CREG2: variants seen among roughly 807,000 people sequenced by gnomAD.
The protein encoded by CREG2 is protein CREG2.
Under a neutral mutation model 26.2 loss-of-function variants are expected in CREG2, and 24 were observed. The observed-to-expected ratio is 0.92, with a 90% CI of 0.66 to 1.29. CREG2 has a LOEUF of 1.29. Among genes scored for constraint, CREG2 ranks in the 50% most tolerant of loss-of-function variants. The pLI, the probability that CREG2 is intolerant of heterozygous loss-of-function variation, is 0.00. For missense variants in CREG2, 366 were observed against 398.6 expected, an observed-to-expected ratio of 0.92 and a Z score of 0.70; for synonymous variants, 174 against 169.2, an observed-to-expected ratio of 1.03 and a Z score of -0.22.
intron 2 of CREG2, among the ~76,000 whole-genome samples, chr2:101,378,589 C>T (rs896843206): frequency 6.6e-6 from 1 of 152,208 alleles, no homozygotes; most frequent in Admixed American, 6.5e-5. Context: ...CCTTCTTCAC[C>T]ATTCTTGGAG....
At chr2:101,351,805 A>G (rs996872826) in intron 3 of CREG2, among the ~76,000 whole-genome samples, 2 of 152,222 alleles carry the variant, frequency 1.3e-5, no homozygotes, top group Non-Finnish European at 2.9e-5. Context: ...TGTCATAAAC[A>G]TAATTCAAAG....
rs920020094 is a variant in CREG2 at position 101,349,148 on chromosome 2, A to G, written c.*1775T>C. On this transcript the variant is annotated 3_prime_UTR_variant, in exon 4 of 4. Coordinates refer to ENST00000324768, the MANE Select transcript of CREG2 (RefSeq NM_153836.4). ...CTCCCAGTATTAAGGTGTGAGGTTG[A>G]CTTATGCAATACATTTGAGCATGTC... The G allele has an allele frequency of 2.6e-5, 4 of 152,666 alleles. No individual in the cohort carries two copies. Among genetic ancestry groups the G allele is most frequent in the African/African-American group, 9.6e-5 (4 of 41,456 alleles). The allele number at this position is 152,666 out of a possible 1,614,324, so 9.5% of individuals were successfully genotyped here.
rs572367745 is a variant in CREG2, at chr2:101,375,273, C to G, written c.611+8260G>C. ...CATTGAGGCCCACTGGGCTTCAATC[C>G]ATTCCATGGTCTGGCACCTCCCCTC... On this transcript the variant is annotated intron_variant, in intron 2 of 3. Coordinates refer to ENST00000324768, the MANE Select transcript of CREG2 (RefSeq NM_153836.4). Among the ~76,000 whole-genome samples the G allele has an allele frequency of 2.0e-5, 3 of 152,244 alleles. No homozygotes were observed. The East Asian group carries it at 5.8e-4, about 29-fold the overall frequency.
Position 101,350,928 on chromosome 2 carries a change from C to G in CREG2, c.868G>C (p.Ala290Pro), listed in dbSNP as rs370074803. The change falls in exon 4 of 4, where the codon GCC becomes CCC. Residue 290 changes from alanine to proline, a missense_variant. This residue lies in a region of CREG2 where 174 missense variants were observed against 178.2 expected (regional missense o/e 0.98). Coordinates refer to ENST00000324768, the MANE Select transcript of CREG2 (RefSeq NM_153836.4). ...AGGACTTTCTTCTCACTCCATCAGGCCTTTCTGGGAACTGCTTTGAAATAT... is the reference window on the plus strand; with the variant it reads ...AGGACTTTCTTCTCACTCCATCAGGGCTTTCTGGGAACTGCTTTGAAATAT... ...EEYFKAVPRK[A>P] is the part of the protein sequence containing the mutation. 1.7e-5 allele frequency: 27 copies of G among 1,613,976 alleles called. No individual in the cohort carries two copies. The highest frequency in any genetic ancestry group is 5.0e-5 in the Admixed American group (3 of 59,984).
intron 2 of CREG2, among the ~76,000 whole-genome samples, chr2:101,367,670 A>G (rs1424779239): frequency 6.6e-6 from 1 of 152,184 alleles, no homozygotes; most frequent in African/African-American, 2.4e-5. Flanking sequence ...ATATGGTAAC[A>G]GGGACTTTGC....
chr2:101,370,397 T>C (rs917649442), intron 2 of CREG2, among the ~76,000 whole-genome samples: 7 of 152,308 alleles, frequency 4.6e-5, no homozygotes, highest in Admixed American at 4.6e-4. Context: ...CTCAAAACTT[T>C]ACACAAATTG....
At chr2:101,383,505 G>A (rs375172093) in intron 2 of CREG2, 28 bp downstream of exon 2, 20 of 1,611,834 alleles carry the variant, frequency 1.2e-5, no homozygotes, top group Admixed American at 3.3e-5. Flanking sequence ...CCCAGGACCC[G>A]TGTGAGTGAG....
intron 2 of CREG2, among the ~76,000 whole-genome samples, chr2:101,381,199 C>A (rs1684867799): frequency 6.6e-6 from 1 of 152,220 alleles, no homozygotes; most frequent in South Asian, 2.1e-4. Context: ...GGGCACCTTG[C>A]TGGTACCTTG....
intron 2 of CREG2, 38 bp from the exon 3 acceptor site, chr2:101,355,404 G>A: frequency 7.6e-7 from 1 of 1,311,400 alleles, no homozygotes; most frequent in Non-Finnish European, 1.1e-6. Flanking sequence ...TCAGAACAAG[G>A]ACAGAACATC....
chr2:101,369,787 C>T lies in CREG2; in HGVS notation c.611+13746G>A, dbSNP rs545239773. On this transcript the variant is annotated intron_variant, in intron 2 of 3. Coordinates refer to ENST00000324768, the MANE Select transcript of CREG2 (RefSeq NM_153836.4). Reference sequence around the variant, plus strand: ...CAGATGCTCAGTGAGTATTTGTCCACGCGAATGCTTTATTGGAATAGGTGG... The same window carrying T: ...CAGATGCTCAGTGAGTATTTGTCCATGCGAATGCTTTATTGGAATAGGTGG... 4.6e-5 allele frequency among the ~76,000 whole-genome samples: 7 copies of T among 152,282 alleles called. No individual in the cohort carries two copies. The South Asian group carries it at 8.3e-4, about 18-fold the overall frequency.
At chr2:101,354,415 TC>T (rs1263781497) in intron 3 of CREG2, among the ~76,000 whole-genome samples, 1 of 152,244 alleles carries the variant, frequency 6.6e-6, no homozygotes, top group Non-Finnish European at 1.5e-5. Context: ...CTTTTCTGTG[TC>T]CTTACAAGGC....
chr2:101,358,748 T>TAAGGCAAGTTTTAGAGCAGGAGTGA (rs1558814884), intron 2 of CREG2, among the ~76,000 whole-genome samples: 2 of 133,558 alleles, frequency 1.5e-5, no homozygotes, highest in African/African-American at 5.2e-5. Context: ...GAGTGAGAAC[T>TAAGGCAAGTTTTAGAGCAGGAGTGA]GAGGTGGCCG....
chr2:101,380,175 C>A (rs1684850928), intron 2 of CREG2, among the ~76,000 whole-genome samples: 1 of 152,162 alleles, frequency 6.6e-6, no homozygotes, highest in South Asian at 2.1e-4. Context: ...ATTATAGATA[C>A]AATTGTTTGG....
intron 2 of CREG2, among the ~76,000 whole-genome samples, chr2:101,367,352 A>G (rs773478927): frequency 8.5e-5 from 13 of 152,224 alleles, no homozygotes; most frequent in Non-Finnish European, 1.3e-4. Context: ...ATTTATGTAT[A>G]ACTTTGATAT....
chr2:101,363,718 T>C (rs1240470311), intron 2 of CREG2, among the ~76,000 whole-genome samples: 1 of 152,142 alleles, frequency 6.6e-6, no homozygotes, highest in African/African-American at 2.4e-5. Context: ...GGCGTTGTGG[T>C]GCACACCTGT....
chr2:101,379,162 G>T (rs1282236359), intron 2 of CREG2, among the ~76,000 whole-genome samples: 1 of 152,176 alleles, frequency 6.6e-6, no homozygotes, highest in Admixed American at 6.5e-5. Context: ...ATGCCCTGGG[G>T]TGGGAGTCAG....
At chr2:101,372,875 G>C (rs886292999) in intron 2 of CREG2, among the ~76,000 whole-genome samples, 42 of 152,152 alleles carry the variant, frequency 2.8e-4, no homozygotes, top group African/African-American at 8.4e-4. Context: ...TGGCCAATAA[G>C]CACACAAAAG....
At chr2:101,366,852 A>G (rs1403700465) in intron 2 of CREG2, among the ~76,000 whole-genome samples, 1 of 152,174 alleles carries the variant, frequency 6.6e-6, no homozygotes. Flanking sequence ...TAATACAAAT[A>G]CAAAACCAAT....
At chr2:101,351,507 A>G (rs1459084156) in intron 3 of CREG2, among the ~76,000 whole-genome samples, 3 of 152,258 alleles carry the variant, frequency 2.0e-5, no homozygotes, top group African/African-American at 7.2e-5. Flanking sequence ...CTTTGGAAAC[A>G]TAAAGAAAGG....
Sources: gnomAD v4.1 joint callset for allele counts (sites outside exome capture counted in the v4.1 genomes callset) on GRCh38, gnomAD v4.1.1 for gene constraint, gnomAD v4.1.1 regional missense constraint, MANE v1.5 for transcripts, NCBI Gene and HGNC (gene_info 2026-07-23, HGNC 2026-07-21) for gene names.